Variants in EVC observed in about 807,000 individuals in gnomAD.
EVC encodes the protein evC complex member EVC.
In EVC, 116 loss-of-function variants were observed where a neutral mutation model predicts 118.9. The ratio of observed to expected loss-of-function variants is 0.98; its 90% confidence interval spans 0.84 to 1.14. The LOEUF is 1.14. Ranked by LOEUF, EVC falls within the 50% of genes most tolerant of loss-of-function variation. The pLI, the probability that EVC is intolerant of heterozygous loss-of-function variation, is 0.00. For missense variants in EVC, 1,401 were observed against 1,246.4 expected (o/e 1.12, Z -1.87); for synonymous variants, 619 against 534.7 (o/e 1.16, Z -2.18).
chr4:5,821,491 A>G, the EVC span: 1 of 512,436 alleles, frequency 2.0e-6, no homozygotes. The surrounding 1 kb of genome is among the most constrained non-coding windows in gnomAD (Gnocchi z 4.4). Flanking sequence ...AGACAATGCT[A>G]AAACCTGTGG....
At chr4:5,785,905 G>T (rs1239536093) in intron 12 of EVC, among the ~76,000 whole-genome samples, 3 of 152,162 alleles carry the variant, frequency 2.0e-5, no homozygotes, top group East Asian at 3.9e-4. Context: ...TTTGGGGAGG[G>T]AGGAGGACCT....
In EVC at chr4:5,800,342, C is replaced by T. The variant is rs1045047457; in HGVS notation, c.2304+1550C>T. 8.5e-5 allele frequency among the ~76,000 whole-genome samples: 13 copies of T among 152,224 alleles called. No homozygotes were observed. In the South Asian group the frequency reaches 1.7e-3, roughly 19 times the overall value. On this transcript the variant is annotated intron_variant, in intron 15 of 20. Transcript: ENST00000264956. Reference sequence around the variant, plus strand: ...CCTGGGTGACATAGCTAGACTCTGTCTAAAAAACAAACAAACAAACAAAAA... The same window carrying T: ...CCTGGGTGACATAGCTAGACTCTGTTTAAAAAACAAACAAACAAACAAAAA...
chr4:5,807,670 A>G (rs1716145987), intron 17 of EVC, among the ~76,000 whole-genome samples: 1 of 152,002 alleles, frequency 6.6e-6, no homozygotes, highest in Admixed American at 6.5e-5. Flanking sequence ...TGCCTGCCGT[A>G]TTCGGGATTT....
chr4:5,750,011 G>C (rs928598474), intron 8 of EVC, among the ~76,000 whole-genome samples: 4 of 152,140 alleles, frequency 2.6e-5, no homozygotes, highest in African/African-American at 9.7e-5. Context: ...ACAGTTGTTT[G>C]AGAACTTCAT....
At chr4:5,815,855 C>T (rs1296486365), downstream of EVC, among the ~76,000 whole-genome samples, 1 of 152,194 alleles carries the variant, frequency 6.6e-6, no homozygotes, top group African/African-American at 2.4e-5. Context: ...CATTCATGGT[C>T]ACCTGGTGGA....
chr4:5,799,444 G>A (rs1714573021), intron 15 of EVC, among the ~76,000 whole-genome samples: 1 of 152,204 alleles, frequency 6.6e-6, no homozygotes, highest in African/African-American at 2.4e-5. Flanking sequence ...TTGGGAAAAA[G>A]AGGCCTACGA....
chr4:5,776,503 T>C (rs1734738410), intron 11 of EVC, among the ~76,000 whole-genome samples: 1 of 152,174 alleles, frequency 6.6e-6, no homozygotes, highest in Non-Finnish European at 1.5e-5. Context: ...AACTTCTCTT[T>C]TACATGTAAA....
At chr4:5,758,045 G>C in intron 11 of EVC, 1 of 702,338 alleles carries the variant, frequency 1.4e-6, no homozygotes, top group African/African-American at 1.7e-5. Flanking sequence ...CTGGATTCGG[G>C]TGGGCCCTAA....
At position 5,809,609 on chromosome 4, in the gene EVC, T is replaced by A. The variant is rs1392243130; in HGVS notation, c.2780T>A (p.Leu927Gln). ...SKLLPAKRGLLEKPLRTKRKK... is the reference protein window; with the variant it reads ...SKLLPAKRGLQEKPLRTKRKK... ...CTGTTGCCTGCTAAGCGTGGGCTGC[T>A]AGGTGAGTCACAGATGCTTGAGTTG... Residue 927 changes from leucine (L) to glutamine (Q), a missense_variant and splice_region_variant, in exon 19 of 21, where the codon CTA becomes CAA. Transcript: ENST00000264956. 1 of 1,613,910 alleles carries A rather than the reference T, an allele frequency of 6.2e-7. No homozygotes were observed. Among genetic ancestry groups the A allele is most frequent in the African/African-American group, 1.3e-5 (1 of 74,930 alleles).
chr4:5,740,550 T>G (rs1255350956), intron 5 of EVC, among the ~76,000 whole-genome samples: 1 of 151,560 alleles, frequency 6.6e-6, no homozygotes, highest in East Asian at 1.9e-4. Context: ...GTTTTTAGAC[T>G]TGACACCAAA....
chr4:5,729,372 C>T lies in EVC; in HGVS notation c.366C>T (p.Pro122=). 1.2e-6 allele frequency: 2 copies of T among 1,614,118 alleles called. No homozygotes were observed. Among genetic ancestry groups the T allele is most frequent in the South Asian group, 1.1e-5 (1 of 91,082 alleles). ...AFALKAKVIY[P]INQKFRPLAD... is the part of the protein sequence containing the mutation. ...CCCTGAAGGCCAAAGTCATCTACCC[C>T]ATCAATCAGAAGTTCCGGGTGAGAG... is the stretch of plus-strand genomic sequence containing the variant. Residue 122 remains proline, a synonymous_variant, in exon 3 of 21, where the codon CCC becomes CCT. Transcript: ENST00000264956.
At chr4:5,729,253 T>G in intron 2 of EVC, 54 bp from the exon 3 acceptor site, 3 of 1,571,064 alleles carry the variant, frequency 1.9e-6, no homozygotes, top group Non-Finnish European at 2.6e-6. Context: ...ACTTGACAAC[T>G]TATCCTTCAT....
downstream of EVC, chr4:5,814,431 C>T (rs374543977): frequency 6.6e-6 from 1 of 152,244 alleles, no homozygotes; most frequent in African/African-American, 2.4e-5. Context: ...CACCACATTC[C>T]TTCTGAGGCC....
At chr4:5,733,268 T>C in intron 4 of EVC, 83 bp from the exon 5 acceptor site, 1 of 1,115,924 alleles carries the variant, frequency 9.0e-7, no homozygotes, top group Non-Finnish European at 1.4e-6. Flanking sequence ...CTGTGGCTTG[T>C]ACTGATGAGG....
rs547512266 is a variant in EVC at position 5,746,040 on chromosome 4, C to A, written c.939+699C>A. ...AAGAAGGGACCATGGAGAGGCTGGCCGGGAGAAGTGTGGGTGCTGGCCAGT... is the reference window on the plus strand; with the variant it reads ...AAGAAGGGACCATGGAGAGGCTGGCAGGGAGAAGTGTGGGTGCTGGCCAGT... On this transcript the variant is annotated intron_variant, in intron 7 of 20. Transcript: ENST00000264956. This position sits in a 1 kb window ranked among gnomAD's most constrained non-coding sequence, Gnocchi z 5.8. 6.6e-6 allele frequency among the ~76,000 whole-genome samples: 1 copy of A among 152,058 alleles called. No homozygotes were observed. Among genetic ancestry groups the A allele is most frequent in the African/African-American group, 2.4e-5 (1 of 41,410 alleles).
the EVC span, among the ~76,000 whole-genome samples, chr4:5,823,508 A>C: frequency 3.3e-5 from 5 of 152,210 alleles, no homozygotes; most frequent in African/African-American, 1.2e-4. Flanking sequence ...ATTTGATCCC[A>C]AAGTTGGAGG....
At chr4:5,771,279 G>A (rs7662235) in intron 11 of EVC, among the ~76,000 whole-genome samples, 317 of 152,220 alleles carry the variant, frequency 2.1e-3, no homozygotes, top group African/African-American at 7.1e-3. Context: ...AGTTTCTAAA[G>A]GCCACCCACA....
chr4:5,780,167 C>T (rs1336650244), intron 11 of EVC, among the ~76,000 whole-genome samples: 1 of 152,110 alleles, frequency 6.6e-6, no homozygotes, highest in Non-Finnish European at 1.5e-5. Context: ...TATATTGAAC[C>T]AGCCTTGCAT....
rs774029262 is a variant in EVC, at chr4:5,748,318, G to C, written c.1098+12G>C. On this transcript the variant is annotated intron_variant, in intron 8 of 20. Coordinates refer to ENST00000264956, the MANE Select transcript of EVC (RefSeq NM_153717.3). The stretch of plus-strand genomic sequence containing the variant: ...AGCTGCAGGCTCTGGTAATGCTGGA[G>C]GGGGCGGGAGGGAACATAAAGATAT... 14 of 1,613,720 alleles carry C rather than the reference G, an allele frequency of 8.7e-6. No individual in the cohort carries two copies. Among genetic ancestry groups the C allele is most frequent in the South Asian group, 2.2e-5 (2 of 91,044 alleles).
Sources: gnomAD v4.1 joint callset for allele counts (sites outside exome capture counted in the v4.1 genomes callset) on GRCh38, gnomAD v4.1.1 for gene constraint, Gnocchi (gnomAD v3.1) non-coding constraint, MANE v1.5 for transcripts, NCBI Gene and HGNC (gene_info 2026-07-23, HGNC 2026-07-21) for gene names.